Variants in CSMD1 observed in about 807,000 individuals in gnomAD.
CSMD1 encodes CUB and Sushi multiple domains 1.
Under a neutral mutation model 417.5 loss-of-function variants are expected in CSMD1, and 213 were observed. The ratio of observed to expected loss-of-function variants is 0.51; its 90% CI spans 0.46 to 0.57. The LOEUF (loss-of-function observed/expected upper bound fraction) is 0.57, where lower values mean the gene tolerates loss of function less well. CSMD1 is among the 20% of genes least tolerant of loss of function. The pLI is 0.00. For missense variants in CSMD1, 6,923 were observed against 4,529.7 expected, an observed-to-expected ratio of 1.53 and a Z score of -15.17; for synonymous variants, 2,862 against 1,736.8, an observed-to-expected ratio of 1.65 and a Z score of -16.11.
intron 57 of CSMD1, among the ~76,000 whole-genome samples, chr8:2,967,004 G>T (rs945183790): frequency 6.6e-6 from 1 of 152,132 alleles, no homozygotes; most frequent in African/African-American, 2.4e-5. Flanking sequence ...TAAAACATGA[G>T]TTAAAGCACT....
intron 41 of CSMD1, chr8:3,129,026 G>C (rs1047016108): frequency 1.2e-5 from 4 of 337,852 alleles, no homozygotes; most frequent in African/African-American, 4.3e-5. Context: ...TAGCCAACCA[G>C]ATGCTTGACC....
At chr8:4,104,597 G>C (rs370543340) in intron 3 of CSMD1, among the ~76,000 whole-genome samples, 3 of 151,958 alleles carry the variant, frequency 2.0e-5, no homozygotes, top group South Asian at 2.1e-4. Context: ...AATTGCATGA[G>C]AACGGTCTGA....
chr8:3,045,154 T>C (rs1003578942), intron 50 of CSMD1, among the ~76,000 whole-genome samples: 3 of 152,180 alleles, frequency 2.0e-5, no homozygotes, highest in African/African-American at 4.8e-5. Context: ...CAGATGATGC[T>C]TAGAAAATGT....
At chr8:4,719,949 C>A (rs1201342719) in intron 1 of CSMD1, among the ~76,000 whole-genome samples, 1 of 152,060 alleles carries the variant, frequency 6.6e-6, no homozygotes, top group East Asian at 1.9e-4. Flanking sequence ...AATGTCACCT[C>A]ACTTTAAATT....
intron 10 of CSMD1, among the ~76,000 whole-genome samples, chr8:3,560,779 T>C (rs574608280): frequency 3.7e-4 from 56 of 152,344 alleles, no homozygotes; most frequent in African/African-American, 1.3e-3. Context: ...TATATCTCCT[T>C]GATTTGACCC....
chr8:4,887,654 T>C (rs1206626935), intron 1 of CSMD1, among the ~76,000 whole-genome samples: 2 of 152,052 alleles, frequency 1.3e-5, no homozygotes, highest in Non-Finnish European at 2.9e-5. Flanking sequence ...TTCTACTGGT[T>C]TTGCTTTATT....
At chr8:3,992,846 G>C (rs957122847) in intron 5 of CSMD1, among the ~76,000 whole-genome samples, 1 of 152,256 alleles carries the variant, frequency 6.6e-6, no homozygotes, top group Non-Finnish European at 1.5e-5. Flanking sequence ...TGGCACTGCA[G>C]CATTGCTGCG....
At chr8:3,333,621 T>C (rs1402655922) in intron 23 of CSMD1, among the ~76,000 whole-genome samples, 1 of 152,244 alleles carries the variant, frequency 6.6e-6, no homozygotes, top group African/African-American at 2.4e-5. Context: ...TAATCTTTAT[T>C]GAAATAAGTA....
At chr8:3,952,472 A>T (rs1811657684) in intron 5 of CSMD1, among the ~76,000 whole-genome samples, 1 of 152,230 alleles carries the variant, frequency 6.6e-6, no homozygotes, top group Non-Finnish European at 1.5e-5. Flanking sequence ...ACTTTAACTC[A>T]GTTTTACTTT....
chr8:3,429,441 C>T (rs1201427654), intron 12 of CSMD1, among the ~76,000 whole-genome samples: 1 of 152,086 alleles, frequency 6.6e-6, no homozygotes, highest in African/African-American at 2.4e-5. Flanking sequence ...AAATGGAAGC[C>T]ATGTCCAAAG....
At chr8:4,261,228 T>C (rs1437134260) in intron 3 of CSMD1, among the ~76,000 whole-genome samples, 1 of 152,238 alleles carries the variant, frequency 6.6e-6, no homozygotes, top group African/African-American at 2.4e-5. Context: ...CAGCCATTCC[T>C]GAATCTTGTG....
chr8:3,298,187 C>A (rs1295795030), intron 25 of CSMD1, among the ~76,000 whole-genome samples: 2 of 152,144 alleles, frequency 1.3e-5, no homozygotes, highest in African/African-American at 4.8e-5. Context: ...GCACCTAATA[C>A]TGTGGAAGGT....
chr8:4,922,840 C>T (rs551963738), intron 1 of CSMD1, among the ~76,000 whole-genome samples: 1 of 152,308 alleles, frequency 6.6e-6, no homozygotes, highest in South Asian at 2.1e-4. Context: ...AATTCCTTTA[C>T]CAAGTTTTTC....
At chr8:4,474,819 C>T (rs574237364) in intron 2 of CSMD1, among the ~76,000 whole-genome samples, 1 of 152,160 alleles carries the variant, frequency 6.6e-6, no homozygotes, top group East Asian at 1.9e-4. Context: ...TTTTGTGACC[C>T]CTTCCACTTA....
intron 3 of CSMD1, among the ~76,000 whole-genome samples, chr8:4,158,546 G>C (rs1000847667): frequency 1.3e-5 from 2 of 152,260 alleles, no homozygotes; most frequent in Admixed American, 6.5e-5. Flanking sequence ...ACAGCCGCTA[G>C]GTTGTGTCCT....
chr8:4,203,257 C>T (rs986890589), intron 3 of CSMD1, among the ~76,000 whole-genome samples: 4 of 152,144 alleles, frequency 2.6e-5, no homozygotes, highest in Admixed American at 2.0e-4. Flanking sequence ...TGGCAGCCTG[C>T]AGAAGACTGC....
chr8:3,435,779 G>A (rs144830775), intron 12 of CSMD1, among the ~76,000 whole-genome samples: 37 of 152,216 alleles, frequency 2.4e-4, no homozygotes, highest in African/African-American at 8.4e-4. Flanking sequence ...TCAGGCAACT[G>A]CCCTGCACAA....
chr8:3,507,990 G>A (rs947904113), intron 10 of CSMD1, among the ~76,000 whole-genome samples: 1 of 152,128 alleles, frequency 6.6e-6, no homozygotes, highest in Non-Finnish European at 1.5e-5. Flanking sequence ...TTCTTTTGCT[G>A]TGCAGAGGCT....
chr8:3,569,787 T>A (rs571358896), intron 10 of CSMD1, among the ~76,000 whole-genome samples: 1 of 152,336 alleles, frequency 6.6e-6, no homozygotes, highest in Admixed American at 6.5e-5. Context: ...TGGATGGTAA[T>A]TCTGCTTAAT....
Sources: allele counts gnomAD v4.1 joint callset (sites outside exome capture counted in the v4.1 genomes callset), GRCh38; gene constraint gnomAD v4.1.1; transcripts MANE v1.5; gene names NCBI Gene and HGNC (gene_info 2026-07-23, HGNC 2026-07-21).